Variants in PTPRA observed in about 807,000 individuals in gnomAD.
PTPRA encodes the protein protein tyrosine phosphatase receptor type A.
In PTPRA, 25 loss-of-function variants were observed where a neutral mutation model predicts 104.8. The observed-to-expected ratio is 0.24, with a 90% CI of 0.17 to 0.33. The LOEUF (loss-of-function observed/expected upper bound fraction) is 0.33, where lower values mean the gene tolerates loss of function less well. Ranked by LOEUF, PTPRA falls within the 10% of genes least tolerant of loss-of-function variation. PTPRA has a pLI of 1.00. For synonymous variants in PTPRA, 323 were observed against 368.9 expected, an observed-to-expected ratio of 0.88 and a Z score of 1.43; for missense variants, 765 against 1,015.3, an observed-to-expected ratio of 0.75 and a Z score of 3.35.
rs183074004 is a variant in PTPRA, at chr20:2,927,383, C to T, written c.-50+4098C>T. Among the ~76,000 whole-genome samples, 540 of 152,248 alleles carry T rather than the reference C, an allele frequency of 3.5e-3. 6 individuals are homozygous for T. Among genetic ancestry groups the T allele is most frequent in the Non-Finnish European group, 6.6e-3 (448 of 68,022 alleles). On this transcript the variant is annotated intron_variant, in intron 2 of 23. Transcript: ENST00000399903. ...AACTATCAGTTGCTTCCAATCATGT[C>T]TTTATATTTTATATTTGAACCGTAA...
chr20:2,937,443 C>T (rs2060747182), intron 2 of PTPRA, among the ~76,000 whole-genome samples: 1 of 152,098 alleles, frequency 6.6e-6, no homozygotes, highest in Non-Finnish European at 1.5e-5. Flanking sequence ...CTTTATGGTA[C>T]AGTTGTCTTA....
intron 1 of PTPRA, among the ~76,000 whole-genome samples, chr20:2,910,389 T>TA (rs1184182698): frequency 1.3e-5 from 1 of 79,864 alleles, no homozygotes; most frequent in East Asian, 3.4e-4. Context: ...TATTATATAT[T>TA]TTATATATAA....
Position 2,965,074 on chromosome 20 carries a change from C to T in PTPRA, c.287C>T (p.Ser96Phe), listed in dbSNP as rs774311246. 3.3e-5 allele frequency: 53 copies of T among 1,613,884 alleles called. No homozygotes were observed. The highest frequency in any genetic ancestry group is 4.5e-5 in the Non-Finnish European group (53 of 1,179,876). The change falls in exon 5 of 24, where the codon TCT becomes TTT. Residue 96 changes from serine to phenylalanine, a missense_variant. Ser to Phe is a radical substitution (Grantham distance 155). This residue lies in a region of PTPRA where 256 missense variants were observed against 248.9 expected (regional missense o/e 1.03). Transcript: ENST00000399903. ...NGTTRTASTN[S>F]IGITISPNGT... is the part of the protein sequence containing the mutation. ...ACCACAAGAACAGCAAGCACCAATTCTATAGGCATTACAATTTCACCAAAT... is the reference window on the plus strand; with the variant it reads ...ACCACAAGAACAGCAAGCACCAATTTTATAGGCATTACAATTTCACCAAAT...
rs377140268 is a variant in PTPRA at position 2,894,912 on chromosome 20, G to A, written c.-129+21152G>A. On this transcript the variant is annotated intron_variant, in intron 1 of 23. Transcript: ENST00000399903. ...TGAGACAGGAGAATGGGGTGAACCC[G>A]GGAGGCGGAGCTTGCAGTGAGCAGA... Among the ~76,000 whole-genome samples, 7 of 151,270 alleles carry A rather than the reference G, an allele frequency of 4.6e-5. No homozygotes were observed. In the South Asian group the frequency reaches 6.3e-4, roughly 14 times the overall value.
chr20:3,016,471 G>A (rs575217304), intron 12 of PTPRA, among the ~76,000 whole-genome samples: 4 of 152,248 alleles, frequency 2.6e-5, no homozygotes, highest in Non-Finnish European at 4.4e-5. Context: ...ATTGAGGCCG[G>A]GCAGGGTGGC....
the PTPRA span, chr20:2,866,329 G>C: frequency 4.7e-5 from 76 of 1,614,154 alleles, no homozygotes; most frequent in Middle Eastern, 3.5e-3. Flanking sequence ...CGTCAACTGA[G>C]GGCCTGTGGG....
intron 2 of PTPRA, among the ~76,000 whole-genome samples, chr20:2,929,930 G>T (rs1044294509): frequency 6.6e-6 from 1 of 152,148 alleles, no homozygotes; most frequent in African/African-American, 2.4e-5. Flanking sequence ...ATTTGTACAC[G>T]CAGACATCAG....
At chr20:2,998,177 C>CAAAAA (rs11475589) in intron 9 of PTPRA, among the ~76,000 whole-genome samples, 1 of 83,194 alleles carries the variant, frequency 1.2e-5, no homozygotes, top group African/African-American at 5.4e-5. Flanking sequence ...GACTCTGTCT[C>CAAAAA]AAAAAAAAAA....
At chr20:3,005,210 A>G in intron 10 of PTPRA, 64 bp downstream of exon 10, 1 of 1,466,742 alleles carries the variant, frequency 6.8e-7, no homozygotes, top group Non-Finnish European at 9.5e-7. Flanking sequence ...GATTTTCTGA[A>G]GATGGAAAGA....
At chr20:3,002,503 T>A (rs2063680749) in intron 9 of PTPRA, among the ~76,000 whole-genome samples, 1 of 152,026 alleles carries the variant, frequency 6.6e-6, no homozygotes, top group Admixed American at 6.6e-5. Context: ...ATTTTTTGTA[T>A]TTTTAGTAGA....
intron 5 of PTPRA, 121 bp downstream of exon 5, chr20:2,965,323 A>G: frequency 5.9e-6 from 6 of 1,008,884 alleles, no homozygotes; most frequent in Non-Finnish European, 8.5e-6. Context: ...AAGTGAAGTA[A>G]TGAAACCTGT....
chr20:3,034,347 A>T (rs1332654965), intron 20 of PTPRA, among the ~76,000 whole-genome samples: 1 of 152,188 alleles, frequency 6.6e-6, no homozygotes, highest in African/African-American at 2.4e-5. Flanking sequence ...CTGAGAGATC[A>T]TGCTCAATTC....
At chr20:3,032,465 T>TC (rs1345963409) in intron 20 of PTPRA, among the ~76,000 whole-genome samples, 8 of 152,262 alleles carry the variant, frequency 5.3e-5, no homozygotes, top group Admixed American at 2.0e-4. Flanking sequence ...CCAGCAAAAC[T>TC]CCTTTAAAGA....
At chr20:2,975,148 C>T in intron 5 of PTPRA, 67 bp from the exon 6 acceptor site, 1 of 1,376,876 alleles carries the variant, frequency 7.3e-7, no homozygotes, top group Non-Finnish European at 1.0e-6. Flanking sequence ...TTTTGTTGTA[C>T]TCTAATTGAA....
chr20:3,008,415 A>G (rs1196762738), intron 11 of PTPRA, among the ~76,000 whole-genome samples: 4 of 152,208 alleles, frequency 2.6e-5, no homozygotes, highest in Admixed American at 2.0e-4. Flanking sequence ...TAAACTATAT[A>G]TACATATGTA....
chr20:3,020,140 G>A (rs775073208), intron 13 of PTPRA, among the ~76,000 whole-genome samples: 8 of 152,144 alleles, frequency 5.3e-5, no homozygotes, highest in East Asian at 1.9e-4. Context: ...ACGGAGTCTC[G>A]CTCTGTCGCC....
chr20:2,878,145 G>A (rs565773227), intron 1 of PTPRA, among the ~76,000 whole-genome samples: 29 of 151,774 alleles, frequency 1.9e-4, no homozygotes, highest in African/African-American at 6.3e-4. Context: ...GCGAGACTCC[G>A]TCTCAAAAAA....
At chr20:3,030,676 C>CTTTTTT (rs1180681994) in intron 20 of PTPRA, among the ~76,000 whole-genome samples, 9 of 67,732 alleles carry the variant, frequency 1.3e-4, no homozygotes, top group Admixed American at 4.0e-4. Context: ...TCTCCCTCTG[C>CTTTTTT]TTTTTTTTTT....
At chr20:3,027,048 A>AGGT (rs2307752) in intron 18 of PTPRA, 73 bp from the exon 19 acceptor site, 752,529 of 1,461,402 alleles carry the variant, frequency 0.51, 198,627 homozygotes, top group East Asian at 0.85. Context: ...CCAGGGCCTG[A>AGGT]GGTGGGAGCA....
Sources: gnomAD v4.1 joint callset for allele counts (sites outside exome capture counted in the v4.1 genomes callset) on GRCh38, gnomAD v4.1.1 for gene constraint, gnomAD v4.1.1 regional missense constraint, MANE v1.5 for transcripts, NCBI Gene and HGNC (gene_info 2026-07-23, HGNC 2026-07-21) for gene names.